The following AQP7 variants were observed in gnomAD, a reference collection of about 807,000 sequenced individuals.
AQP7 encodes aquaporin-7.
In AQP7, 22 loss-of-function variants were observed where a neutral mutation model predicts 26.1. The ratio of observed to expected loss-of-function variants is 0.84; its 90% CI spans 0.60 to 1.20. The LOEUF is 1.20. Ranked by LOEUF, AQP7 falls within the 50% of genes most tolerant of loss-of-function variation. The pLI, the probability that AQP7 is intolerant of heterozygous loss-of-function variation, is 0.00. For synonymous variants in AQP7, 167 were observed against 181.7 expected, an observed-to-expected ratio of 0.92 and a Z score of 0.65; for missense variants, 412 against 457.5, an observed-to-expected ratio of 0.90 and a Z score of 0.91.
At chr9:33,389,931 G>C (rs1825221776) in intron 3 of AQP7, among the ~76,000 whole-genome samples, 1 of 149,880 alleles carries the variant, frequency 6.7e-6, no homozygotes, top group South Asian at 2.1e-4. Flanking sequence ...AGGAGGCTGA[G>C]ACAGGAGAAT....
At chr9:33,385,355 C>G in intron 7 of AQP7, 65 bp from the exon 8 acceptor site, 2 of 1,535,280 alleles carry the variant, frequency 1.3e-6, no homozygotes, top group Non-Finnish European at 1.8e-6. Context: ...TCATCCACCT[C>G]GGGCCAAGAC....
rs938351049 is a variant in AQP7, at chr9:33,401,062, A to G, written c.26+175T>C. ...CACCCCAGGACCCAGCCCAGGCAAC[A>G]GGTGGAAGATGCTCTTCTTCTGGGA... On this transcript the variant is annotated intron_variant, in intron 2 of 7. Coordinates refer to ENST00000297988, the MANE Select transcript of AQP7 (RefSeq NM_001170.3). 24 of 681,676 alleles carry G rather than the reference A, an allele frequency of 3.5e-5. No individual in the cohort carries two copies. The Admixed American group carries it at 5.4e-4, about 15-fold the overall frequency. The allele number at this position is 681,676 out of a possible 1,614,324, so 42.2% of individuals were successfully genotyped here. A position where few individuals can be genotyped will look rare whatever the true frequency, so the allele number is the denominator to read the frequency against.
In AQP7 at chr9:33,395,160, A is replaced by G. The variant is rs1450363188; in HGVS notation, c.62T>C (p.Val21Ala). The part of the protein sequence containing the change: ...TRGSKMVSWS[V>A]IAKIQEILQR... ...CAGTATTTCCTGGATCTTTGCTATC[A>G]CGGACCAGGAGACCATTTTGGAGCC... The change falls in exon 3 of 8, where the codon GTG (valine) becomes GCG (alanine). Residue 21 changes from valine (V) to alanine (A), a missense_variant. Val to Ala is a moderately conservative substitution (Grantham distance 64). Transcript: ENST00000297988. The G allele has an allele frequency of 1.2e-6, 2 of 1,613,864 alleles. No homozygotes were observed. Among genetic ancestry groups the G allele is most frequent in the East Asian group, 4.5e-5 (2 of 44,866 alleles).
At position 33,386,421 on chromosome 9, in the gene AQP7, A is replaced by G. The variant is rs1824800772; in HGVS notation, c.389T>C (p.Ile130Thr). Residue 130 changes from isoleucine (I) to threonine (T), a missense_variant, in exon 5 of 8, where the codon ATC (isoleucine) becomes ACC (threonine). Physicochemically the swap from Ile to Thr is moderately conservative, Grantham distance 89. Coordinates refer to ENST00000297988, the MANE Select transcript of AQP7 (RefSeq NM_001170.3). ...FLGSFLAAATIYSLFYTAILH... is the reference protein window; with the variant it reads ...FLGSFLAAATTYSLFYTAILH... ...ATACTCACTGTAGAAGAGACTGTAG[A>G]TGGTGGCAGCCGCCAGGAAGGAGCC... 3 of 1,610,964 alleles carry G rather than the reference A, an allele frequency of 1.9e-6. No individual in the cohort carries two copies. Among genetic ancestry groups the G allele is most frequent in the South Asian group, 2.2e-5 (2 of 90,242 alleles).
At chr9:33,396,099 G>T (rs1825826058) in intron 2 of AQP7, among the ~76,000 whole-genome samples, 1 of 152,056 alleles carries the variant, frequency 6.6e-6, no homozygotes, top group African/African-American at 2.4e-5. Context: ...AGAGGTATAG[G>T]ACTGGAGTTT....
intron 3 of AQP7, among the ~76,000 whole-genome samples, chr9:33,390,366 T>C (rs373187220): frequency 6.6e-6 from 1 of 151,334 alleles, no homozygotes; most frequent in African/African-American, 2.4e-5. Flanking sequence ...TGTGGATACA[T>C]GGGTGGTTAA....
intron 2 of AQP7, 163 bp from the exon 3 acceptor site, chr9:33,395,358 T>G: frequency 1.6e-6 from 1 of 642,118 alleles, no homozygotes; most frequent in Non-Finnish European, 2.8e-6. Context: ...TGGAGACACT[T>G]GAGAGCCACG....
intron 2 of AQP7, among the ~76,000 whole-genome samples, chr9:33,399,122 G>C (rs906636007): frequency 1.3e-5 from 2 of 151,818 alleles, no homozygotes; most frequent in Non-Finnish European, 2.9e-5. Flanking sequence ...TTTCAGGCAT[G>C]AGCCACCACG....
chr9:33,390,220 A>G (rs1161701049), intron 3 of AQP7, among the ~76,000 whole-genome samples: 1 of 152,010 alleles, frequency 6.6e-6, no homozygotes, highest in Admixed American at 6.6e-5. Flanking sequence ...ATAGGCTGAG[A>G]GAGGGACAGG....
chr9:33,387,944 G>A (rs568948405), intron 3 of AQP7, among the ~76,000 whole-genome samples: 102 of 152,278 alleles, frequency 6.7e-4, no homozygotes, highest in African/African-American at 2.4e-3. Flanking sequence ...GGCCGCAGGA[G>A]AGAACACGCT....
intron 3 of AQP7, among the ~76,000 whole-genome samples, chr9:33,393,347 T>A (rs2380994): frequency 2.0e-5 from 3 of 152,218 alleles, no homozygotes; most frequent in Non-Finnish European, 4.4e-5. Flanking sequence ...TAATTCTACA[T>A]GATATAAGTG....
rs4879693 is a variant in AQP7, at chr9:33,387,925, C to T, written c.145-833G>A. Among the ~76,000 whole-genome samples, 140 of 152,250 alleles carry T rather than the reference C, an allele frequency of 9.2e-4. 2 individuals are homozygous for T. The highest frequency in any genetic ancestry group is 6.2e-3 in the East Asian group (32 of 5,170). On this transcript the variant is annotated intron_variant, in intron 3 of 7. Coordinates refer to ENST00000297988, the MANE Select transcript of AQP7 (RefSeq NM_001170.3). ...TGGGTTCCTGGTTGCCTCCTCCCTGCTTCAGTCAGGCCGCAGGAGAGAACA... is the reference window on the plus strand; with the variant it reads ...TGGGTTCCTGGTTGCCTCCTCCCTGTTTCAGTCAGGCCGCAGGAGAGAACA...
In AQP7 at chr9:33,384,932, A is replaced by G; in HGVS notation, c.*73T>C. 3 of 1,507,568 alleles carry G rather than the reference A, an allele frequency of 2.0e-6. No homozygotes were observed. Among genetic ancestry groups the G allele is most frequent in the Non-Finnish European group, 2.7e-6 (3 of 1,114,408 alleles). The allele number at this position is 1,507,568 out of a possible 1,614,324, so 93.4% of individuals were successfully genotyped here. A position where few individuals can be genotyped will look rare whatever the true frequency, so the allele number is the denominator to read the frequency against. ...GGAAGCCCAACCACAGGAGGCCCCC[A>G]GGAAGTGGGGGTACTGCTGTCGGAC... On this transcript the variant is annotated 3_prime_UTR_variant, in exon 8 of 8. Coordinates refer to ENST00000297988, the MANE Select transcript of AQP7 (RefSeq NM_001170.3).
rs1382712445 is a variant in AQP7 at position 33,384,045 on chromosome 9, C to A, written c.*960G>T. The A allele has an allele frequency of 6.6e-6, 1 of 152,276 alleles. No individual in the cohort carries two copies. The highest frequency in any genetic ancestry group is 1.5e-5 in the Non-Finnish European group (1 of 68,078). The allele number at this position is 152,276 out of a possible 1,614,324, so 9.4% of individuals were successfully genotyped here. A position where few individuals can be genotyped will look rare whatever the true frequency, so the allele number is the denominator to read the frequency against. On this transcript the variant is annotated 3_prime_UTR_variant, in exon 8 of 8. Coordinates refer to ENST00000297988, the MANE Select transcript of AQP7 (RefSeq NM_001170.3). ...TAGATGCACAATAATTATTGAAAGG[C>A]AAAATGCATGAGCAAGGACAGGAAC...
intron 1 of AQP7, chr9:33,401,542 T>A (rs978822777): frequency 2.8e-4 from 145 of 521,074 alleles, no homozygotes; most frequent in Non-Finnish European, 4.7e-4. Flanking sequence ...TGACCTTCCG[T>A]GTCTGCAGCC....
At position 33,391,794 on chromosome 9, in the gene AQP7, C is replaced by T. The variant is rs538340359; in HGVS notation, c.144+3284G>A. On this transcript the variant is annotated intron_variant, in intron 3 of 7. Transcript: ENST00000297988. ...CAATGTCCGATATAGGCTTACACCTCACAAAGTTCTTTTACAAGTGCTACT... is the reference window on the plus strand; with the variant it reads ...CAATGTCCGATATAGGCTTACACCTTACAAAGTTCTTTTACAAGTGCTACT... Among the ~76,000 whole-genome samples the T allele has an allele frequency of 4.6e-5, 7 of 152,334 alleles. No homozygotes were observed. In the South Asian group the frequency reaches 1.4e-3, roughly 32 times the overall value.
At chr9:33,399,128 C>T (rs1231200426) in intron 2 of AQP7, among the ~76,000 whole-genome samples, 1 of 151,824 alleles carries the variant, frequency 6.6e-6, no homozygotes, top group African/African-American at 2.4e-5. Context: ...GCATGAGCCA[C>T]CACGCCTGGT....
At chr9:33,397,510 T>A (rs148347613) in intron 2 of AQP7, among the ~76,000 whole-genome samples, 1 of 148,888 alleles carries the variant, frequency 6.7e-6, no homozygotes, top group African/African-American at 2.5e-5. Flanking sequence ...TCCCCCTCCA[T>A]CTACTCCTCC....
At chr9:33,396,126 T>TG (rs1825828722) in intron 2 of AQP7, among the ~76,000 whole-genome samples, 1 of 151,504 alleles carries the variant, frequency 6.6e-6, no homozygotes, top group South Asian at 2.1e-4. Flanking sequence ...GGTGGCGGGG[T>TG]GGGCCTGGAG....
Sources: gnomAD v4.1 joint callset for allele counts (sites outside exome capture counted in the v4.1 genomes callset) on GRCh38, gnomAD v4.1.1 for gene constraint, MANE v1.5 for transcripts, NCBI Gene and HGNC (gene_info 2026-07-23, HGNC 2026-07-21) for gene names.